Variants in MYOCD observed in about 807,000 individuals in gnomAD.
The protein encoded by MYOCD is myocardin.
MYOCD carries 32 observed loss-of-function variants against 96.1 expected under a neutral mutation model. That is an observed-to-expected ratio of 0.33 (90% CI 0.25 to 0.45). The LOEUF is 0.45. Among genes scored for constraint, MYOCD ranks in the 20% least tolerant of loss-of-function variants. The pLI is 1.00. For missense variants in MYOCD, 1,133 were observed against 1,200.6 expected (o/e 0.94, Z 0.83); for synonymous variants, 469 against 469.0 (o/e 1.00, Z 0.00).
Position 12,752,575 on chromosome 17 carries a change from G to A in MYOCD, c.1287G>A (p.Thr429=), listed in dbSNP as rs772651496. Residue 429 remains threonine, a synonymous_variant, in exon 10 of 14, where the codon ACG becomes ACA. Coordinates refer to ENST00000425538, the MANE Select transcript of MYOCD (RefSeq NM_001146312.3). ...TTVTFPVTPN[T]LPNYQSSSST... ...TCACTTTTCCTGTCACACCCAACAC[G>A]CTGCCCAATTACCAGTCTTCCTCTT... The A allele has an allele frequency of 4.3e-6, 7 of 1,613,890 alleles. No homozygotes were observed. Among genetic ancestry groups the A allele is most frequent in the African/African-American group, 4.0e-5 (3 of 74,858 alleles).
intron 5 of MYOCD, among the ~76,000 whole-genome samples, chr17:12,723,384 C>T (rs527379324): frequency 3.3e-5 from 5 of 152,174 alleles, no homozygotes; most frequent in Admixed American, 1.3e-4. Context: ...AGCACTGGCC[C>T]CAGACTAGAA....
intron 4 of MYOCD, 126 bp from the exon 5 acceptor site, chr17:12,722,721 G>C (rs557840532): frequency 1.3e-6 from 1 of 742,404 alleles, no homozygotes; most frequent in Non-Finnish European, 2.2e-6. Context: ...TGATTGCATC[G>C]AAAAATTATT....
chr17:12,715,815 A>T (rs1338027135), intron 3 of MYOCD, among the ~76,000 whole-genome samples: 1 of 152,178 alleles, frequency 6.6e-6, no homozygotes, highest in Non-Finnish European at 1.5e-5. Context: ...AATTTTTCTA[A>T]TGTTGGAAGA....
rs370202925 is a variant in MYOCD, at chr17:12,748,642, A to G, written c.1125+2570A>G. 4.5e-4 allele frequency among the ~76,000 whole-genome samples: 68 copies of G among 152,340 alleles called. No homozygotes were observed. In the East Asian group the frequency reaches 5.6e-3, roughly 13 times the overall value. On this transcript the variant is annotated intron_variant, in intron 9 of 13. Coordinates refer to ENST00000425538, the MANE Select transcript of MYOCD (RefSeq NM_001146312.3). Reference sequence around the variant, plus strand: ...TGTAATATTCTGAAGTTTAAGGTAAATTAAACTCAACTGTATTCATTTTTA... The same window carrying G: ...TGTAATATTCTGAAGTTTAAGGTAAGTTAAACTCAACTGTATTCATTTTTA...
intron 7 of MYOCD, among the ~76,000 whole-genome samples, chr17:12,739,715 G>A (rs750419071): frequency 2.0e-5 from 3 of 152,166 alleles, no homozygotes; most frequent in Admixed American, 1.3e-4. Flanking sequence ...GCCCTGAAAA[G>A]CTTGCATAAC....
Position 12,695,328 on chromosome 17 carries a change from A to G in MYOCD, c.56-9800A>G, listed in dbSNP as rs546707975. Among the ~76,000 whole-genome samples, 3 of 152,268 alleles carry G rather than the reference A, an allele frequency of 2.0e-5. No homozygotes were observed. In the South Asian group the frequency reaches 6.2e-4, roughly 32 times the overall value. Reference sequence around the variant, plus strand: ...GACAGCTCTCTGAAGCCTCCTTTATAAGGGCACCAATCCCAAATATGAGGG... The same window carrying G: ...GACAGCTCTCTGAAGCCTCCTTTATGAGGGCACCAATCCCAAATATGAGGG... On this transcript the variant is annotated intron_variant, in intron 1 of 13. Coordinates refer to ENST00000425538, the MANE Select transcript of MYOCD (RefSeq NM_001146312.3).
intron 1 of MYOCD, among the ~76,000 whole-genome samples, chr17:12,697,816 G>A (rs960825124): frequency 2.0e-5 from 3 of 152,124 alleles, no homozygotes; most frequent in Non-Finnish European, 4.4e-5. Context: ...ACAGATTGTG[G>A]CTTATATTAG....
At chr17:12,673,467 C>G (rs1480110111) in intron 1 of MYOCD, among the ~76,000 whole-genome samples, 1 of 152,118 alleles carries the variant, frequency 6.6e-6, no homozygotes, top group Non-Finnish European at 1.5e-5. Context: ...TTTCAAGCGG[C>G]TACATAGCAA....
At chr17:12,681,564 G>A (rs1026311010) in intron 1 of MYOCD, among the ~76,000 whole-genome samples, 2 of 152,140 alleles carry the variant, frequency 1.3e-5, no homozygotes, top group Non-Finnish European at 2.9e-5. Context: ...GAGCCTTTTG[G>A]CTTTCAGTAT....
At position 12,738,784 on chromosome 17, in the gene MYOCD, T is replaced by A. The variant is rs191387723; in HGVS notation, c.592-419T>A. 4.5e-4 allele frequency among the ~76,000 whole-genome samples: 68 copies of A among 152,128 alleles called. No individual in the cohort carries two copies. The East Asian group carries it at 6.4e-3, about 14-fold the overall frequency. On this transcript the variant is annotated intron_variant, in intron 6 of 13. Transcript: ENST00000425538. The stretch of plus-strand genomic sequence containing the variant: ...TCCCTGCTGCTCTTTTTCAATTGCA[T>A]TATCAAGACAGGTGGACCTTGTCAC...
In MYOCD at chr17:12,763,388, A is replaced by C. The variant is rs749821182; in HGVS notation, c.2705A>C (p.His902Pro). 1.2e-6 allele frequency: 2 copies of C among 1,603,060 alleles called. No individual in the cohort carries two copies. Among genetic ancestry groups the C allele is most frequent in the Admixed American group, 1.7e-5 (1 of 59,292 alleles). ...GKAAEDLFNA[H>P]EILPGPLSPM... The stretch of plus-strand genomic sequence containing the variant: ...GCTGCAGAAGACCTCTTCAATGCAC[A>C]TGAGATCTTGCCAGGCCCCCTCTCT... Residue 902 changes from histidine to proline, a missense_variant, in exon 14 of 14, where the codon CAT (histidine) becomes CCT (proline). Physicochemically the swap from His to Pro is moderately conservative, Grantham distance 77. Transcript: ENST00000425538.
chr17:12,760,485 A>G (rs2033139347), intron 12 of MYOCD, 165 bp from the exon 13 acceptor site: 1 of 622,266 alleles, frequency 1.6e-6, no homozygotes, highest in African/African-American at 1.8e-5. Context: ...GTACACTTAA[A>G]AATGGTTGAT....
chr17:12,704,797 G>GT, intron 1 of MYOCD: 1 of 208,010 alleles, frequency 4.8e-6, no homozygotes, highest in Non-Finnish European at 9.6e-6. Context: ...GATATCACTG[G>GT]TTGCCAACCA....
chr17:12,747,929 CTGCGGTAGGCG>C lies in MYOCD; in HGVS notation c.1125+1858_1125+1868del, dbSNP rs1219309183. ...GCCTATAATCGCAGCACTTTGGGTGCTGCGGTAGGCGGATCATGAAGTCAAGAGATCAAGAC... is the reference window on the plus strand; with the variant it reads ...GCCTATAATCGCAGCACTTTGGGTGCGATCATGAAGTCAAGAGATCAAGAC... On this transcript the variant is annotated intron_variant, in intron 9 of 13. Transcript: ENST00000425538. Among the ~76,000 whole-genome samples, 7 of 150,720 alleles carry C rather than the reference CTGCGGTAGGCG, an allele frequency of 4.6e-5. No homozygotes were observed. In the East Asian group the frequency reaches 1.4e-3, roughly 29 times the overall value.
chr17:12,678,221 G>T (rs116641033), intron 1 of MYOCD, among the ~76,000 whole-genome samples: 1 of 151,776 alleles, frequency 6.6e-6, no homozygotes, highest in African/African-American at 2.4e-5. Context: ...GATTGTGCTT[G>T]AGAGTTATGA....
At chr17:12,752,344 T>G in intron 9 of MYOCD, 70 bp from the exon 10 acceptor site, 1 of 1,321,792 alleles carries the variant, frequency 7.6e-7, no homozygotes, top group African/African-American at 1.5e-5. Flanking sequence ...TTGAAGCTAA[T>G]TGTATAATGA....
At chr17:12,680,105 A>T (rs1432126820) in intron 1 of MYOCD, among the ~76,000 whole-genome samples, 1 of 152,232 alleles carries the variant, frequency 6.6e-6, no homozygotes, top group Non-Finnish European at 1.5e-5. Flanking sequence ...AAAGAACGTA[A>T]ACCTGTATTC....
At chr17:12,687,334 G>T (rs2030176413) in intron 1 of MYOCD, among the ~76,000 whole-genome samples, 2 of 152,088 alleles carry the variant, frequency 1.3e-5, no homozygotes, top group South Asian at 4.1e-4. Flanking sequence ...TTGATGTGTT[G>T]CTAGAAAAAG....
chr17:12,715,605 T>C (rs1196708002), intron 3 of MYOCD, 31 bp downstream of exon 3: 1 of 1,563,040 alleles, frequency 6.4e-7, no homozygotes, highest in Admixed American at 1.7e-5. Flanking sequence ...GACCCAAGCT[T>C]AGACTATAGG....
Sources: gnomAD v4.1 joint callset for allele counts (sites outside exome capture counted in the v4.1 genomes callset) on GRCh38, gnomAD v4.1.1 for gene constraint, MANE v1.5 for transcripts, NCBI Gene and HGNC (gene_info 2026-07-23, HGNC 2026-07-21) for gene names.